Variants in PDS5A observed in about 807,000 individuals in gnomAD.
The protein encoded by PDS5A is sister chromatid cohesion protein PDS5 homolog A.
PDS5A carries 42 observed loss-of-function variants against 167.1 expected under a neutral mutation model. The ratio of observed to expected loss-of-function variants is 0.25; its 90% CI spans 0.20 to 0.33. The LOEUF is 0.33. Ranked by LOEUF, PDS5A falls within the 10% of genes least tolerant of loss-of-function variation. The pLI is 1.00. For synonymous variants in PDS5A, 553 were observed against 554.6 expected, an observed-to-expected ratio of 1.00 and a Z score of 0.04; for missense variants, 1,033 against 1,605.9, an observed-to-expected ratio of 0.64 and a Z score of 6.10.
At chr4:39,942,197 A>G (rs1018061334) in intron 2 of PDS5A, among the ~76,000 whole-genome samples, 33 of 152,266 alleles carry the variant, frequency 2.2e-4, no homozygotes, top group African/African-American at 7.0e-4. Flanking sequence ...ATACATATGT[A>G]TATGTTTATA....
intron 28 of PDS5A, chr4:39,847,432 C>T (rs1486618590): frequency 1.3e-5 from 2 of 151,940 alleles, no homozygotes; most frequent in African/African-American, 2.4e-5. Flanking sequence ...ATGAAACCAC[C>T]TGTCTACAAA....
At chr4:39,878,798 C>T (rs1720695004) in intron 18 of PDS5A, among the ~76,000 whole-genome samples, 1 of 151,854 alleles carries the variant, frequency 6.6e-6, no homozygotes, top group Admixed American at 6.6e-5. Context: ...AGCTGGAGTG[C>T]AGTGGTGTGA....
At chr4:39,917,015 TAAA>T (rs71194939) in intron 8 of PDS5A, 30 bp downstream of exon 8, 12 of 1,119,270 alleles carry the variant, frequency 1.1e-5, no homozygotes, top group African/African-American at 7.1e-5. Context: ...ACAAAAAAAT[TAAA>T]AAAAAAAAAA....
In PDS5A at chr4:39,976,558, G is replaced by T. The variant is rs1362296299; in HGVS notation, c.20C>A (p.Pro7His). The change falls in exon 2 of 33, where the codon CCC becomes CAC. Residue 7 changes from proline (P) to histidine (H), a missense_variant. Coordinates refer to ENST00000303538, the MANE Select transcript of PDS5A (RefSeq NM_001100399.2). ...GCCACAGAGGGCAGTGGCAGGCTTG[G>T]GCTGCGCGGTGAAGTCCATCCTGGG... MDFTAQPKPATALCGVV... is the reference protein window; with the variant it reads MDFTAQHKPATALCGVV... 1.9e-6 allele frequency: 3 copies of T among 1,612,524 alleles called. No homozygotes were observed. The highest frequency in any genetic ancestry group is 2.5e-6 in the Non-Finnish European group (3 of 1,178,878).
chr4:39,868,424 G>GTTCA (rs1719738357), intron 22 of PDS5A, among the ~76,000 whole-genome samples: 1 of 152,164 alleles, frequency 6.6e-6, no homozygotes, highest in Non-Finnish European at 1.5e-5. Flanking sequence ...TACCTCCCAG[G>GTTCA]TTCAAGTGAC....
At chr4:39,834,881 G>A (rs1308331942) in intron 32 of PDS5A, among the ~76,000 whole-genome samples, 1 of 152,022 alleles carries the variant, frequency 6.6e-6, no homozygotes, top group Non-Finnish European at 1.5e-5. Flanking sequence ...GCCTATTCCC[G>A]CTAACCTCAG....
chr4:39,845,826 T>C lies in PDS5A; in HGVS notation c.3394A>G (p.Thr1132Ala). 7.1e-7 allele frequency: 1 copy of C among 1,406,880 alleles called. No individual in the cohort carries two copies. The highest frequency in any genetic ancestry group is 9.3e-7 in the Non-Finnish European group (1 of 1,074,032). The allele number at this position is 1,406,880 out of a possible 1,614,324, so 87.1% of individuals were successfully genotyped here. Residue 1132 changes from threonine to alanine, a missense_variant, in exon 29 of 33, where the codon ACA (threonine) becomes GCA (alanine). This residue lies in a region of PDS5A where 233 missense variants were observed against 264.0 expected (regional missense o/e 0.88). Coordinates refer to ENST00000303538, the MANE Select transcript of PDS5A (RefSeq NM_001100399.2). ...TATTAAGTAAATAATACCTTTCCTGTTAACAGAAGTACTCTTGTCTCTTCT... is the reference window on the plus strand; with the variant it reads ...TATTAAGTAAATAATACCTTTCCTGCTAACAGAAGTACTCTTGTCTCTTCT... ...ISEETRVLLL[T>A]GKPKPAGVLG... is the part of the protein sequence containing the mutation.
chr4:39,966,120 C>T (rs1366109974), intron 2 of PDS5A, among the ~76,000 whole-genome samples: 1 of 152,160 alleles, frequency 6.6e-6, no homozygotes, highest in Non-Finnish European at 1.5e-5. Flanking sequence ...TTTAAGAAAT[C>T]TTGCCTCCCC....
intron 16 of PDS5A, among the ~76,000 whole-genome samples, chr4:39,893,581 A>G (rs1281482841): frequency 6.6e-6 from 1 of 152,224 alleles, no homozygotes; most frequent in Non-Finnish European, 1.5e-5. Context: ...AGAGAAACTA[A>G]ATTTTACATT....
chr4:39,969,398 T>C (rs1278003950), intron 2 of PDS5A, among the ~76,000 whole-genome samples: 1 of 152,062 alleles, frequency 6.6e-6, no homozygotes, highest in African/African-American at 2.4e-5. Flanking sequence ...CCAGGCAGAG[T>C]GGCTCACGCC....
intron 9 of PDS5A, among the ~76,000 whole-genome samples, chr4:39,913,265 A>G (rs1171917765): frequency 2.6e-5 from 4 of 151,878 alleles, no homozygotes; most frequent in African/African-American, 7.3e-5. Flanking sequence ...TTGTATTTTT[A>G]GTAGAGACAC....
At chr4:39,921,318 TCAA>T (rs1182797436) in intron 6 of PDS5A, among the ~76,000 whole-genome samples, 1 of 152,128 alleles carries the variant, frequency 6.6e-6, no homozygotes, top group Non-Finnish European at 1.5e-5. Context: ...CCAAATCTGA[TCAA>T]CAAGCCATAG....
chr4:39,969,592 G>A (rs1730310828), intron 2 of PDS5A, among the ~76,000 whole-genome samples: 1 of 152,004 alleles, frequency 6.6e-6, no homozygotes, highest in Non-Finnish European at 1.5e-5. Context: ...CTTGAACCCA[G>A]GAAGCAGAGG....
chr4:39,926,256 T>C (rs1725448201), intron 4 of PDS5A, among the ~76,000 whole-genome samples: 1 of 152,024 alleles, frequency 6.6e-6, no homozygotes. Context: ...GCCCGGTGGC[T>C]CACGCCTGTA....
intron 23 of PDS5A, among the ~76,000 whole-genome samples, chr4:39,864,894 G>A (rs1318564876): frequency 6.6e-6 from 1 of 152,166 alleles, no homozygotes; most frequent in Non-Finnish European, 1.5e-5. Flanking sequence ...TCATTCTATG[G>A]TTAACCATTC....
intron 21 of PDS5A, among the ~76,000 whole-genome samples, chr4:39,870,398 C>T (rs1719918406): frequency 6.6e-6 from 1 of 151,760 alleles, no homozygotes; most frequent in African/African-American, 2.4e-5. Context: ...GCAGCATGGG[C>T]AACATGGCGA....
intron 8 of PDS5A, among the ~76,000 whole-genome samples, chr4:39,916,118 T>C (rs1397985836): frequency 6.6e-6 from 1 of 151,306 alleles, no homozygotes; most frequent in Non-Finnish European, 1.5e-5. Context: ...ATACCTGTAG[T>C]CCCAGCTCCT....
At chr4:39,846,578 G>A (rs1001847306) in intron 28 of PDS5A, 19 of 152,128 alleles carry the variant, frequency 1.2e-4, no homozygotes, top group African/African-American at 4.3e-4. Context: ...AACAATACAC[G>A]ATTTAAACCA....
At chr4:39,954,135 G>A (rs2109792552) in intron 2 of PDS5A, among the ~76,000 whole-genome samples, 1 of 151,844 alleles carries the variant, frequency 6.6e-6, no homozygotes, top group Admixed American at 6.6e-5. Context: ...GAGCCTAGGA[G>A]TTTGACAGCA....
Sources: allele counts gnomAD v4.1 joint callset (sites outside exome capture counted in the v4.1 genomes callset), GRCh38; gene constraint gnomAD v4.1.1; regional missense constraint gnomAD v4.1.1; transcripts MANE v1.5; gene names NCBI Gene and HGNC (gene_info 2026-07-23, HGNC 2026-07-21).